LRCH3: variants seen among roughly 807,000 people sequenced by gnomAD.
The protein encoded by LRCH3 is DISP complex protein LRCH3.
In LRCH3, 68 loss-of-function variants were observed where a neutral mutation model predicts 104.5. That is an observed-to-expected ratio of 0.65 (90% CI 0.54 to 0.80). The LOEUF (loss-of-function observed/expected upper bound fraction) is 0.80, where lower values mean the gene tolerates loss of function less well. Among genes scored for constraint, LRCH3 ranks in the 30% least tolerant of loss-of-function variants. LRCH3 has a pLI of 0.00. For synonymous variants in LRCH3, 344 were observed against 361.3 expected, an observed-to-expected ratio of 0.95 and a Z score of 0.54; for missense variants, 951 against 953.9, an observed-to-expected ratio of 1.00 and a Z score of 0.04.
At chr3:197,850,770 C>A (rs1439441794) in intron 12 of LRCH3, 2 of 1,264,992 alleles carry the variant, frequency 1.6e-6, no homozygotes, top group Non-Finnish European at 2.3e-6. Flanking sequence ...ATCATTGTAA[C>A]GTCGGAATGG....
chr3:197,882,104 A>G, intron 20 of LRCH3: 1 of 985,418 alleles, frequency 1.0e-6, no homozygotes, highest in Middle Eastern at 5.2e-4. Flanking sequence ...AGGGGTTGTA[A>G]TTGTACATTC....
Position 197,865,422 on chromosome 3 carries a change from G to T in LRCH3, c.1717-1G>T. The T allele has an allele frequency of 6.4e-7, 1 of 1,565,834 alleles. No homozygotes were observed. The highest frequency in any genetic ancestry group is 8.7e-7 in the Non-Finnish European group (1 of 1,149,950). ...ATTGATATATGTCTGTTTCTCCACA[G>T]AGTGATGACAGACCTAATGCTCTAT... is the stretch of plus-strand genomic sequence containing the variant. On this transcript the variant is annotated splice_acceptor_variant, in intron 15 of 20. Transcript: ENST00000425562. LOFTEE classifies it high-confidence loss of function.
At chr3:197,863,541 G>A (rs1345687189) in intron 15 of LRCH3, among the ~76,000 whole-genome samples, 1 of 152,158 alleles carries the variant, frequency 6.6e-6, no homozygotes, top group Non-Finnish European at 1.5e-5. Context: ...TTACAGATGT[G>A]GCCCATCGCG....
rs1257299523 is a variant in LRCH3, at chr3:197,839,371, T to TA, written c.1303dup (p.Met435AsnfsTer13). 1 of 1,595,522 alleles carries TA rather than the reference T, an allele frequency of 6.3e-7. No homozygotes were observed. Among genetic ancestry groups the TA allele is most frequent in the Admixed American group, 1.9e-5 (1 of 53,716 alleles). ...TTAGGGAGTTTCAAAAAACAGAAGA[T>TA]ATGAGAAGATATTTACATCAAAACA... is the stretch of plus-strand genomic sequence containing the variant. On this transcript the variant is annotated frameshift_variant, in exon 10 of 21. Coordinates refer to ENST00000425562, the MANE Select transcript of LRCH3 (RefSeq NM_001365715.1). LOFTEE classifies it high-confidence loss of function.
chr3:197,835,306 C>G (rs1736609435), intron 8 of LRCH3, among the ~76,000 whole-genome samples: 1 of 151,722 alleles, frequency 6.6e-6, no homozygotes, highest in African/African-American at 2.4e-5. Context: ...GTCTCAGCCT[C>G]CCGAGTAGCT....
At chr3:197,822,149 C>A (rs1734568294) in intron 4 of LRCH3, among the ~76,000 whole-genome samples, 1 of 152,216 alleles carries the variant, frequency 6.6e-6, no homozygotes, top group Non-Finnish European at 1.5e-5. Context: ...TATATACTTA[C>A]TGCAACCAAA....
At chr3:197,817,014 A>C (rs1302723561) in intron 2 of LRCH3, among the ~76,000 whole-genome samples, 162 bp from the exon 3 acceptor site, 2 of 152,172 alleles carry the variant, frequency 1.3e-5, no homozygotes, top group Non-Finnish European at 2.9e-5. Flanking sequence ...GCCTGTAACC[A>C]TAAAGCTGAC....
At chr3:197,843,665 C>T (rs1738160750) in intron 10 of LRCH3, among the ~76,000 whole-genome samples, 1 of 151,494 alleles carries the variant, frequency 6.6e-6, no homozygotes, top group East Asian at 1.9e-4. Context: ...GCCTGGGCAA[C>T]AGATACGCCA....
chr3:197,825,847 A>T (rs1457552283), intron 4 of LRCH3, among the ~76,000 whole-genome samples: 2 of 152,050 alleles, frequency 1.3e-5, no homozygotes, highest in Non-Finnish European at 2.9e-5. Flanking sequence ...AAATAGTTCC[A>T]ACCATTCTTA....
At chr3:197,881,203 T>TA in intron 20 of LRCH3, 3 of 1,006,214 alleles carry the variant, frequency 3.0e-6, no homozygotes, top group Non-Finnish European at 3.6e-6. Flanking sequence ...CCCGGTTACT[T>TA]AGATTTCTGC....
intron 15 of LRCH3, among the ~76,000 whole-genome samples, chr3:197,865,093 C>T (rs1314419126): frequency 6.6e-6 from 1 of 152,148 alleles, no homozygotes; most frequent in Admixed American, 6.6e-5. Flanking sequence ...GTCTTTAATT[C>T]CTAGGCTCAA....
At chr3:197,837,005 A>G (rs920969803) in intron 9 of LRCH3, among the ~76,000 whole-genome samples, 3 of 152,270 alleles carry the variant, frequency 2.0e-5, no homozygotes, top group East Asian at 1.9e-4. Flanking sequence ...TTTTAAAAAA[A>G]GGGCCTTGGT....
intron 6 of LRCH3, among the ~76,000 whole-genome samples, 168 bp downstream of exon 6, chr3:197,829,841 C>G (rs1275462302): frequency 1.3e-5 from 2 of 152,220 alleles, no homozygotes; most frequent in East Asian, 3.8e-4. Context: ...CTGGCAAAGT[C>G]TAGTTCTAAG....
At chr3:197,816,374 G>A (rs1366331603) in intron 2 of LRCH3, among the ~76,000 whole-genome samples, 2 of 151,362 alleles carry the variant, frequency 1.3e-5, no homozygotes, top group Admixed American at 6.6e-5. Context: ...TCCATCTCCC[G>A]GGTTCAAGCC....
intron 8 of LRCH3, 136 bp downstream of exon 8, chr3:197,832,453 G>T: frequency 1.2e-6 from 1 of 803,316 alleles, no homozygotes; most frequent in Non-Finnish European, 1.8e-6. Context: ...TTTCATATAT[G>T]ATTGAAAAAT....
intron 1 of LRCH3, among the ~76,000 whole-genome samples, chr3:197,799,117 C>T (rs768561629): frequency 9.9e-5 from 15 of 152,130 alleles, no homozygotes; most frequent in Non-Finnish European, 1.8e-4. Context: ...TTTGAGAGTA[C>T]GGGAGTGACA....
At chr3:197,806,137 G>T (rs1462066136) in intron 1 of LRCH3, among the ~76,000 whole-genome samples, 3 of 152,012 alleles carry the variant, frequency 2.0e-5, no homozygotes, top group Non-Finnish European at 4.4e-5. Context: ...TATTGGTCAG[G>T]CTGGTCATGA....
intron 9 of LRCH3, 73 bp downstream of exon 9, chr3:197,835,895 G>A (rs1302326094): frequency 1.4e-6 from 2 of 1,479,260 alleles, no homozygotes; most frequent in Non-Finnish European, 1.8e-6. Flanking sequence ...ATAAAGTTTT[G>A]TTATATCAGT....
intron 12 of LRCH3, among the ~76,000 whole-genome samples, chr3:197,849,267 CAAAAAAAAAAAAA>C (rs35823428): frequency 2.0e-4 from 7 of 35,324 alleles, no homozygotes; most frequent in Non-Finnish European, 3.7e-4. Context: ...GACTCCACCT[CAAAAAAAAAAAAA>C]AAAAAAAAAA....
Sources: allele counts gnomAD v4.1 joint callset (sites outside exome capture counted in the v4.1 genomes callset), GRCh38; gene constraint gnomAD v4.1.1; transcripts MANE v1.5; gene names NCBI Gene and HGNC (gene_info 2026-07-23, HGNC 2026-07-21).